ASS1: variants seen among roughly 807,000 people sequenced by gnomAD.
The protein encoded by ASS1 is argininosuccinate synthase.
A neutral mutation model predicts 60.5 loss-of-function variants in ASS1; 58 were observed. That is an observed-to-expected ratio of 0.96 (90% confidence interval 0.78 to 1.19). ASS1 has a LOEUF of 1.19. Ranked by LOEUF, ASS1 falls within the 50% of genes most tolerant of loss-of-function variation. ASS1 has a pLI of 0.00. For synonymous variants in ASS1, 200 were observed against 206.9 expected (o/e 0.97, Z 0.29); for missense variants, 454 against 547.3 (o/e 0.83, Z 1.70).
intron 2 of ASS1, 146 bp from the exon 3 acceptor site, chr9:130,454,159 C>CT (rs1312765070): frequency 1.2e-4 from 99 of 834,102 alleles, no homozygotes; most frequent in Admixed American, 2.2e-4. Flanking sequence ...AGGCCTTGGG[C>CT]TTTGTCCTTT....
At chr9:130,492,231 C>T (rs1200322079) in intron 12 of ASS1, among the ~76,000 whole-genome samples, 3 of 152,212 alleles carry the variant, frequency 2.0e-5, no homozygotes, top group Non-Finnish European at 4.4e-5. Flanking sequence ...GCAGGGCTGT[C>T]TCTTCCTTGA....
intron 2 of ASS1, 128 bp downstream of exon 2, chr9:130,452,461 T>C: frequency 1.3e-6 from 1 of 791,650 alleles, no homozygotes; most frequent in South Asian, 1.5e-5. Flanking sequence ...TGGCCTCTTC[T>C]CTCGAAGCCT....
Position 130,466,883 on chromosome 9 carries a change from A to C in ASS1, c.495+84A>C, listed in dbSNP as rs11243414. On this transcript the variant is annotated intron_variant, in intron 6 of 14. Transcript: ENST00000352480. ...GTCCCTGCTGGGGGCTGTCTGAGCC[A>C]GTGGCCTAGGCCGGGACTGACCCCA... is the stretch of plus-strand genomic sequence containing the variant. 294,125 of 1,489,320 alleles carry C rather than the reference A, an allele frequency of 0.2. 30,472 individuals carry two copies. Among genetic ancestry groups the C allele is most frequent in the African/African-American group, 0.3 (21,608 of 72,208 alleles). The allele number at this position is 1,489,320 out of a possible 1,614,324, so 92.3% of individuals were successfully genotyped here.
At chr9:130,486,614 T>G (rs948588799) in intron 11 of ASS1, among the ~76,000 whole-genome samples, 5 of 152,142 alleles carry the variant, frequency 3.3e-5, no homozygotes, top group African/African-American at 9.7e-5. Flanking sequence ...CTGCATAAAC[T>G]TGGAGAGAGG....
In ASS1 at chr9:130,489,210, G is replaced by T; in HGVS notation, c.839-123G>T. The stretch of plus-strand genomic sequence containing the variant: ...AGCTGGGAGTGAATGGGTCCGGCCG[G>T]CTTGTCTCCTGTCAGACGACTCATT... On this transcript the variant is annotated intron_variant, in intron 11 of 14. Transcript: ENST00000352480. This position sits in a 1 kb window ranked among gnomAD's most constrained non-coding sequence, Gnocchi z 4.1. 7.2e-7 allele frequency: 1 copy of T among 1,386,840 alleles called. No homozygotes were observed. The highest frequency in any genetic ancestry group is 9.9e-7 in the Non-Finnish European group (1 of 1,009,708). 85.9% of individuals were successfully genotyped at this position (1,386,840 alleles called of 1,614,324 possible).
At chr9:130,485,555 C>A (rs1300673281) in intron 11 of ASS1, among the ~76,000 whole-genome samples, 1 of 152,116 alleles carries the variant, frequency 6.6e-6, no homozygotes, top group Admixed American at 6.5e-5. Context: ...AGCAGGGAGG[C>A]GGGCCTGGGT....
At chr9:130,449,303 A>G (rs981841170) in intron 1 of ASS1, among the ~76,000 whole-genome samples, 2 of 144,788 alleles carry the variant, frequency 1.4e-5, no homozygotes, top group Non-Finnish European at 3.0e-5. Context: ...AGATTGCATC[A>G]CTGCACTCCA....
At chr9:130,473,226 A>G (rs944167015) in intron 8 of ASS1, among the ~76,000 whole-genome samples, 1 of 151,768 alleles carries the variant, frequency 6.6e-6, no homozygotes, top group Non-Finnish European at 1.5e-5. Context: ...AAGTTACCCA[A>G]CCTCTCTGAG....
At position 130,470,515 on chromosome 9, in the gene ASS1, G is replaced by A. The variant is rs951641098; in HGVS notation, c.496-319G>A. Among the ~76,000 whole-genome samples, 2 of 152,228 alleles carry A rather than the reference G, an allele frequency of 1.3e-5. No homozygotes were observed. Among genetic ancestry groups the A allele is most frequent in the Non-Finnish European group, 2.9e-5 (2 of 68,034 alleles). On this transcript the variant is annotated intron_variant, in intron 6 of 14. Transcript: ENST00000352480. This position sits in a 1 kb window ranked among gnomAD's most constrained non-coding sequence, Gnocchi z 4.3. Reference sequence around the variant, plus strand: ...GGGTGGTGGCGGGGCTGGTTGGCTGGTGCCGGGAGACCTGGCTGGGCATGG... The same window carrying A: ...GGGTGGTGGCGGGGCTGGTTGGCTGATGCCGGGAGACCTGGCTGGGCATGG...
intron 4 of ASS1, among the ~76,000 whole-genome samples, chr9:130,463,433 G>T (rs1387863279): frequency 6.6e-6 from 1 of 152,218 alleles, no homozygotes; most frequent in Non-Finnish European, 1.5e-5. Context: ...GAGGATGCAG[G>T]CGAGGCAACC....
intron 12 of ASS1, among the ~76,000 whole-genome samples, chr9:130,493,444 C>T (rs893897014): frequency 2.6e-5 from 4 of 152,174 alleles, no homozygotes; most frequent in African/African-American, 7.2e-5. Flanking sequence ...GGCTGGGATG[C>T]GGACTCACAG....
At chr9:130,480,219 G>A (rs1471373855) in intron 10 of ASS1, among the ~76,000 whole-genome samples, 166 bp from the exon 11 acceptor site, 1 of 152,214 alleles carries the variant, frequency 6.6e-6, no homozygotes, top group Admixed American at 6.5e-5. Context: ...TGTCCAGTGG[G>A]CACCTGGACT....
In ASS1 at chr9:130,458,585, G is replaced by A; in HGVS notation, c.359G>A (p.Gly120Glu). Residue 120 changes from glycine to glutamate, a missense_variant, in exon 4 of 15, where the codon GGA (glycine) becomes GAA (glutamate). Transcript: ENST00000352480. ...GAKYVSHGAT[G>E]KGNDQVRFEL... ...AAGTATGTGTCCCACGGCGCCACAG[G>A]AAAGGTGAGGCACCTGGGAAGGGCC... is the stretch of plus-strand genomic sequence containing the variant. 1 of 1,612,458 alleles carries A rather than the reference G, an allele frequency of 6.2e-7. No individual in the cohort carries two copies. The highest frequency in any genetic ancestry group is 1.1e-5 in the South Asian group (1 of 90,938).
intron 12 of ASS1, among the ~76,000 whole-genome samples, chr9:130,493,164 C>G (rs1438083161): frequency 6.6e-6 from 1 of 152,138 alleles, no homozygotes; most frequent in Non-Finnish European, 1.5e-5. Flanking sequence ...TTGGAAAAAG[C>G]CCTGGGCCAG....
chr9:130,463,490 G>A (rs1011542297), intron 4 of ASS1, among the ~76,000 whole-genome samples: 5 of 152,178 alleles, frequency 3.3e-5, no homozygotes, highest in African/African-American at 9.7e-5. Flanking sequence ...CTTGGGTCCC[G>A]GGCCTGCCCT....
chr9:130,454,832 T>TCATC (rs924889257), intron 3 of ASS1, among the ~76,000 whole-genome samples: 2 of 141,586 alleles, frequency 1.4e-5, no homozygotes, highest in Non-Finnish European at 3.0e-5. Context: ...CATTCACCCA[T>TCATC]CATCCATCCA....
At chr9:130,448,105 C>T (rs1440127359) in intron 1 of ASS1, among the ~76,000 whole-genome samples, 3 of 151,890 alleles carry the variant, frequency 2.0e-5, no homozygotes, top group South Asian at 2.1e-4. Flanking sequence ...CTTCCTCCCC[C>T]GACATCAAAC....
rs1296929316 is a variant in ASS1 at position 130,450,453 on chromosome 9, G to A, written c.-5-1771G>A. ...ACCTGCTGGCTCCAGGGTTAGGGCTGGCTGAGTCACCAGCAACTCAGGGGC... is the reference window on the plus strand; with the variant it reads ...ACCTGCTGGCTCCAGGGTTAGGGCTAGCTGAGTCACCAGCAACTCAGGGGC... On this transcript the variant is annotated intron_variant, in intron 1 of 14. Transcript: ENST00000352480. The A allele has an allele frequency of 4.4e-6, 3 of 676,992 alleles. No individual in the cohort carries two copies. In the African/African-American group the frequency reaches 5.9e-5, roughly 13 times the overall value. 41.9% of individuals were successfully genotyped at this position (676,992 alleles called of 1,614,324 possible). A position where few individuals can be genotyped will look rare whatever the true frequency, so the allele number is the denominator to read the frequency against.
At chr9:130,457,454 G>C (rs1845472822) in intron 3 of ASS1, among the ~76,000 whole-genome samples, 1 of 152,176 alleles carries the variant, frequency 6.6e-6, no homozygotes. Context: ...CTGGATGACA[G>C]AGAAAGACCC....
Sources: allele counts gnomAD v4.1 joint callset (sites outside exome capture counted in the v4.1 genomes callset), GRCh38; gene constraint gnomAD v4.1.1; non-coding constraint Gnocchi (gnomAD v3.1); transcripts MANE v1.5; gene names NCBI Gene and HGNC (gene_info 2026-07-23, HGNC 2026-07-21).